PLAA: variants seen among roughly 807,000 people sequenced by gnomAD.
PLAA encodes phospholipase A-2-activating protein.
Under a neutral mutation model 84.1 loss-of-function variants are expected in PLAA, and 48 were observed. The ratio of observed to expected loss-of-function variants is 0.57; its 90% confidence interval spans 0.45 to 0.73. The LOEUF (loss-of-function observed/expected upper bound fraction) is 0.73. Among genes scored for constraint, PLAA ranks in the 30% least tolerant of loss-of-function variants. PLAA has a pLI of 0.00. For synonymous variants in PLAA, 392 were observed against 336.6 expected, an observed-to-expected ratio of 1.16 and a Z score of -1.80; for missense variants, 903 against 954.7, an observed-to-expected ratio of 0.95 and a Z score of 0.71.
rs112029132 is a variant in PLAA, at chr9:26,924,777, T to G, written c.869+1048A>C. Among the ~76,000 whole-genome samples the G allele has an allele frequency of 9.4e-3, 1,426 of 152,350 alleles. 19 individuals carry two copies. The highest frequency in any genetic ancestry group is 0.032 in the African/African-American group (1,331 of 41,584). On this transcript the variant is annotated intron_variant, in intron 6 of 13. Coordinates refer to ENST00000397292, the MANE Select transcript of PLAA (RefSeq NM_001031689.3). ...AATGGTATATCATAAAACTTAGTTCTTAGTCTTCTGTTCCTCCCCTGTATT... is the reference window on the plus strand; with the variant it reads ...AATGGTATATCATAAAACTTAGTTCGTAGTCTTCTGTTCCTCCCCTGTATT...
intron 1 of PLAA, among the ~76,000 whole-genome samples, chr9:26,938,628 G>A (rs1825433590): frequency 1.3e-5 from 2 of 150,312 alleles, no homozygotes; most frequent in Admixed American, 6.6e-5. Context: ...ATGCTTAAAG[G>A]AGCCTTCTCG....
chr9:26,936,792 CG>C (rs1208638444), intron 1 of PLAA, among the ~76,000 whole-genome samples: 1 of 152,152 alleles, frequency 6.6e-6, no homozygotes, highest in Non-Finnish European at 1.5e-5. Flanking sequence ...GCACCTCCCC[CG>C]GTTGATGCAA....
intron 7 of PLAA, among the ~76,000 whole-genome samples, chr9:26,921,042 A>C (rs1490779343): frequency 6.6e-6 from 1 of 152,058 alleles, no homozygotes; most frequent in African/African-American, 2.4e-5. Context: ...GTAAAAGCCT[A>C]AACTCTTGAG....
At position 26,903,890 on chromosome 9, in the gene PLAA, T is replaced by C. The variant is rs934842922; in HGVS notation, c.*1621A>G. ...ATCATTATTCAAAGGTACCTACTTT[T>C]CCTAAATATTGCAATTAAATTATTT... On this transcript the variant is annotated 3_prime_UTR_variant, in exon 14 of 14. Transcript: ENST00000397292. 3.3e-5 allele frequency among the ~76,000 whole-genome samples: 5 copies of C among 152,184 alleles called. No individual in the cohort carries two copies. The highest frequency in any genetic ancestry group is 1.2e-4 in the African/African-American group (5 of 41,460).
chr9:26,928,490 T>A, intron 2 of PLAA, 82 bp from the exon 3 acceptor site: 1 of 958,414 alleles, frequency 1.0e-6, no homozygotes, highest in Non-Finnish European at 1.7e-6. Flanking sequence ...ATTCCAATTT[T>A]AAAAACACTC....
In PLAA at chr9:26,947,207, G is replaced by T; in HGVS notation, c.-162C>A. ...CCGGTACGGAAGGGCGGCTGGGAAG[G>T]GGCGCGCCGAGCGGGCCGAGTGACA... is the stretch of plus-strand genomic sequence containing the variant. On this transcript the variant is annotated 5_prime_UTR_variant, in exon 1 of 14. Transcript: ENST00000397292. The T allele has an allele frequency of 2.5e-6, 2 of 813,710 alleles. No homozygotes were observed. Among genetic ancestry groups the T allele is most frequent in the Non-Finnish European group, 3.6e-6 (2 of 551,208 alleles). The allele number at this position is 813,710 out of a possible 1,614,324, so 50.4% of individuals were successfully genotyped here. A position where few individuals can be genotyped will look rare whatever the true frequency, so the allele number is the denominator to read the frequency against.
intron 5 of PLAA, among the ~76,000 whole-genome samples, chr9:26,926,178 T>G (rs1436134996): frequency 6.6e-6 from 1 of 152,190 alleles, no homozygotes; most frequent in Non-Finnish European, 1.5e-5. Flanking sequence ...CCCAAGAACT[T>G]TTTACAGCAC....
At position 26,905,561 on chromosome 9, in the gene PLAA, C is replaced by G. The variant is rs753409235; in HGVS notation, c.2338G>C (p.Glu780Gln). Residue 780 changes from glutamate (E) to glutamine (Q), a missense_variant, in exon 14 of 14, where the codon GAA (glutamate) becomes CAA (glutamine). Glu to Gln is a conservative substitution (Grantham distance 29). Transcript: ENST00000397292. ...CAGCATTCACTTACTTTAGCTGGTT[C>G]TGATACTGAGGAATACTTTTTTATT... ...SQIKKYSSVSEPAKVSECCRF... is the reference protein window; with the variant it reads ...SQIKKYSSVSQPAKVSECCRF... 1.9e-5 allele frequency: 31 copies of G among 1,613,812 alleles called. No homozygotes were observed. The highest frequency in any genetic ancestry group is 2.6e-5 in the Non-Finnish European group (31 of 1,179,990).
intron 2 of PLAA, among the ~76,000 whole-genome samples, chr9:26,929,027 A>G (rs1249209280): frequency 6.6e-6 from 1 of 151,618 alleles, no homozygotes; most frequent in Non-Finnish European, 1.5e-5. Flanking sequence ...GAGAGACCTC[A>G]TCTCTACTAA....
rs1340512343 is a variant in PLAA at position 26,943,885 on chromosome 9, C to T, written c.149+3012G>A. Among the ~76,000 whole-genome samples, 6 of 152,018 alleles carry T rather than the reference C, an allele frequency of 3.9e-5. No individual in the cohort carries two copies. In the South Asian group the frequency reaches 6.2e-4, roughly 16 times the overall value. On this transcript the variant is annotated intron_variant, in intron 1 of 13. Transcript: ENST00000397292. Reference sequence around the variant, plus strand: ...GGAGGATTGTTTGAGCCCAGAAGGTCGAGGCTGCAATAAGGCAGTGATCAT... The same window carrying T: ...GGAGGATTGTTTGAGCCCAGAAGGTTGAGGCTGCAATAAGGCAGTGATCAT...
Position 26,907,683 on chromosome 9 carries a change from G to C in PLAA, c.1822+151C>G, listed in dbSNP as rs1824279259. 8 of 606,466 alleles carry C rather than the reference G, an allele frequency of 1.3e-5. No homozygotes were observed. The South Asian group carries it at 1.9e-4, about 14-fold the overall frequency. The allele number at this position is 606,466 out of a possible 1,614,324, so 37.6% of individuals were successfully genotyped here. A position where few individuals can be genotyped will look rare whatever the true frequency, so the allele number is the denominator to read the frequency against. On this transcript the variant is annotated intron_variant, in intron 13 of 13. Coordinates refer to ENST00000397292, the MANE Select transcript of PLAA (RefSeq NM_001031689.3). ...GGAAACAAGATCATCAATTCCAGTA[G>C]TGTAGTGAACCCTTTTCGTGAAGAT... is the stretch of plus-strand genomic sequence containing the variant.
At chr9:26,935,250 C>G (rs1197335346) in intron 1 of PLAA, 44 bp from the exon 2 acceptor site, 2 of 1,314,542 alleles carry the variant, frequency 1.5e-6, no homozygotes, top group Non-Finnish European at 2.1e-6. Context: ...CGTACCCTGA[C>G]TTAGCCTAGG....
chr9:26,925,585 T>C (rs974179053), intron 6 of PLAA, among the ~76,000 whole-genome samples: 1 of 152,118 alleles, frequency 6.6e-6, no homozygotes, highest in East Asian at 1.9e-4. Flanking sequence ...GACTGCACAA[T>C]TGCAGTACAA....
chr9:26,908,983 A>T (rs73643112), intron 12 of PLAA, among the ~76,000 whole-genome samples: 5 of 152,194 alleles, frequency 3.3e-5, no homozygotes, highest in Non-Finnish European at 7.3e-5. Context: ...TTGATGTCAC[A>T]TTATTTTAAA....
intron 9 of PLAA, 104 bp downstream of exon 9, chr9:26,919,206 T>C (rs1363645111): frequency 8.0e-6 from 5 of 624,842 alleles, no homozygotes; most frequent in Non-Finnish European, 8.4e-6. Context: ...GCTGTAGATA[T>C]TGGTATTTAT....
At chr9:26,923,536 G>A (rs1016555787) in intron 6 of PLAA, among the ~76,000 whole-genome samples, 189 bp from the exon 7 acceptor site, 1 of 152,198 alleles carries the variant, frequency 6.6e-6, no homozygotes, top group Non-Finnish European at 1.5e-5. Context: ...CTATTTAATA[G>A]AGAAGTTATT....
Position 26,905,597 on chromosome 9 carries a change from C to T in PLAA, c.2302G>A (p.Val768Ile), listed in dbSNP as rs1393703619. The change falls in exon 14 of 14, where the codon GTT (valine) becomes ATT (isoleucine). Residue 768 changes from valine (V) to isoleucine (I), a missense_variant. Transcript: ENST00000397292. ...GAATACTTTTTTATTTGAGAATCAACACCTAAAGACTTGGCTAATTGTACA... is the reference window on the plus strand; with the variant it reads ...GAATACTTTTTTATTTGAGAATCAATACCTAAAGACTTGGCTAATTGTACA... ...NAVQLAKSLGVDSQIKKYSSV... is the reference protein window; with the variant it reads ...NAVQLAKSLGIDSQIKKYSSV... The T allele has an allele frequency of 1.2e-6, 2 of 1,613,838 alleles. No individual in the cohort carries two copies. Among genetic ancestry groups the T allele is most frequent in the Non-Finnish European group, 1.7e-6 (2 of 1,179,862 alleles).
chr9:26,910,323 A>G lies in PLAA; in HGVS notation c.1657+15T>C. 1.3e-6 allele frequency: 2 copies of G among 1,565,406 alleles called. No homozygotes were observed. Among genetic ancestry groups the G allele is most frequent in the South Asian group, 2.2e-5 (2 of 90,064 alleles). ...AGTCTGTGAATATGTGAATAAATTA[A>G]TTAAAGAAACTTACCTAATATTTGT... On this transcript the variant is annotated intron_variant, in intron 12 of 13. Coordinates refer to ENST00000397292, the MANE Select transcript of PLAA (RefSeq NM_001031689.3).
intron 11 of PLAA, among the ~76,000 whole-genome samples, 193 bp from the exon 12 acceptor site, chr9:26,910,632 G>T (rs1359762903): frequency 6.6e-6 from 1 of 151,894 alleles, no homozygotes; most frequent in South Asian, 2.1e-4. Context: ...ATATTTTTTG[G>T]TTTTGGGAAT....
Sources: allele counts gnomAD v4.1 joint callset (sites outside exome capture counted in the v4.1 genomes callset), GRCh38; gene constraint gnomAD v4.1.1; transcripts MANE v1.5; gene names NCBI Gene and HGNC (gene_info 2026-07-23, HGNC 2026-07-21).